PTPRM: variants seen among roughly 807,000 people sequenced by gnomAD.
PTPRM encodes the protein protein tyrosine phosphatase receptor type M.
PTPRM carries 47 observed loss-of-function variants against 186.7 expected under a neutral mutation model. The ratio of observed to expected loss-of-function variants is 0.25; its 90% confidence interval spans 0.20 to 0.32. The LOEUF is 0.32. Ranked by LOEUF, PTPRM falls within the 10% of genes least tolerant of loss-of-function variation. The pLI is 1.00. For missense variants in PTPRM, 1,494 were observed against 1,865.0 expected (o/e 0.80, Z 3.66); for synonymous variants, 668 against 674.9 (o/e 0.99, Z 0.16).
At chr18:8,283,565 G>A (rs2094926208) in intron 19 of PTPRM, among the ~76,000 whole-genome samples, 1 of 152,066 alleles carries the variant, frequency 6.6e-6, no homozygotes. Context: ...TTTTAGCATG[G>A]TACTTGGAAC....
In PTPRM at chr18:7,567,921, G is replaced by C. The variant is rs778482313; in HGVS notation, c.73+30G>C. 6.5e-7 allele frequency: 1 copy of C among 1,534,170 alleles called. No individual in the cohort carries two copies. Among genetic ancestry groups the C allele is most frequent in the Non-Finnish European group, 8.7e-7 (1 of 1,150,068 alleles). On this transcript the variant is annotated intron_variant, in intron 1 of 32. Transcript: ENST00000580170. This position sits in a 1 kb window ranked among gnomAD's most constrained non-coding sequence, Gnocchi z 4.3. ...GCGGGACCGCCTCTGCCGCCCCCGA[G>C]GCGCGCGGGCCGGCGCGGGACGCCC... is the stretch of plus-strand genomic sequence containing the variant.
rs191702817 is a variant in PTPRM at position 8,318,829 on chromosome 18, A to G, written c.2920-349A>G. Among the ~76,000 whole-genome samples, 51 of 152,372 alleles carry G rather than the reference A, an allele frequency of 3.3e-4. 2 individuals are homozygous for G. The East Asian group carries it at 9.6e-3, about 29-fold the overall frequency. ...TGGCATATTGCCAATGACATCCCAA[A>G]CACAAATGAAATTCTGTTGCAAATT... On this transcript the variant is annotated intron_variant, in intron 21 of 32. Coordinates refer to ENST00000580170, the MANE Select transcript of PTPRM (RefSeq NM_001105244.2).
intron 2 of PTPRM, among the ~76,000 whole-genome samples, chr18:7,777,655 T>C (rs1408800737): frequency 2.0e-5 from 3 of 152,200 alleles, no homozygotes; most frequent in Non-Finnish European, 4.4e-5. Flanking sequence ...TACAAACATT[T>C]CACATTTTCT....
intron 11 of PTPRM, among the ~76,000 whole-genome samples, chr18:8,090,573 G>T (rs189017836): frequency 6.6e-6 from 1 of 152,144 alleles, no homozygotes; most frequent in Admixed American, 6.5e-5. Flanking sequence ...TCTTTGTATA[G>T]ATCTTTCCAA....
chr18:8,166,526 T>G (rs1490784225), intron 14 of PTPRM, among the ~76,000 whole-genome samples: 2 of 152,206 alleles, frequency 1.3e-5, no homozygotes, highest in African/African-American at 4.8e-5. Context: ...AAAAGCCAGA[T>G]TTACCTTGCA....
At chr18:8,287,898 A>G (rs1470473045) in intron 19 of PTPRM, among the ~76,000 whole-genome samples, 1 of 152,206 alleles carries the variant, frequency 6.6e-6, no homozygotes, top group Non-Finnish European at 1.5e-5. Context: ...GGGACCTGTG[A>G]CAGATTGCTC....
intron 2 of PTPRM, among the ~76,000 whole-genome samples, chr18:7,817,650 G>A (rs1466239721): frequency 2.0e-5 from 3 of 152,176 alleles, no homozygotes; most frequent in Admixed American, 1.3e-4. Context: ...ATGAAATAAG[G>A]CATTCTTGTA....
chr18:8,042,985 T>G (rs1014419450), intron 7 of PTPRM, among the ~76,000 whole-genome samples: 2 of 152,142 alleles, frequency 1.3e-5, no homozygotes, highest in Non-Finnish European at 2.9e-5. Context: ...CTACAGCTGC[T>G]TATTGTGTCT....
In PTPRM at chr18:8,380,378, A is replaced by G. The variant is rs770646364; in HGVS notation, c.3869A>G (p.Asp1290Gly). The change falls in exon 29 of 33, where the codon GAT becomes GGT. Residue 1290 changes from aspartate (D) to glycine (G), a missense_variant. Transcript: ENST00000580170. Reference sequence around the variant, plus strand: ...AAAGACTTTTGGAGACTGGTCCTGGATTATCACTGCACATCCGTAGTTATG... The same window carrying G: ...AAAGACTTTTGGAGACTGGTCCTGGGTTATCACTGCACATCCGTAGTTATG... ...TVKDFWRLVL[D>G]YHCTSVVMLN... 1 of 1,614,234 alleles carries G rather than the reference A, an allele frequency of 6.2e-7. No individual in the cohort carries two copies. Among genetic ancestry groups the G allele is most frequent in the Admixed American group, 1.7e-5 (1 of 60,022 alleles).
intron 29 of PTPRM, 37 bp from the exon 30 acceptor site, chr18:8,384,524 T>C (rs761025929): frequency 1.2e-6 from 2 of 1,611,746 alleles, no homozygotes; most frequent in Non-Finnish European, 1.7e-6. Flanking sequence ...AAATTTCCTC[T>C]TATAACTAAC....
In PTPRM at chr18:7,732,661, C is replaced by T. The variant is rs1030691192; in HGVS notation, c.74-41488C>T. Among the ~76,000 whole-genome samples, 5 of 151,958 alleles carry T rather than the reference C, an allele frequency of 3.3e-5. No homozygotes were observed. In the South Asian group the frequency reaches 1.0e-3, roughly 32 times the overall value. Reference sequence around the variant, plus strand: ...AGCTGGAACTACAGGTATGCACCCCCATGCCTGGCTAATTTTTGAAATTGT... The same window carrying T: ...AGCTGGAACTACAGGTATGCACCCCTATGCCTGGCTAATTTTTGAAATTGT... On this transcript the variant is annotated intron_variant, in intron 1 of 32. Transcript: ENST00000580170.
chr18:7,888,522 G>A (rs2048900512), intron 3 of PTPRM, 145 bp downstream of exon 3: 1 of 950,438 alleles, frequency 1.1e-6, no homozygotes, highest in Admixed American at 3.2e-5. Flanking sequence ...ATCCTATACT[G>A]TTGGTGGGAT....
intron 7 of PTPRM, among the ~76,000 whole-genome samples, chr18:8,045,694 G>A (rs1315522411): frequency 6.6e-6 from 1 of 152,182 alleles, no homozygotes; most frequent in Non-Finnish European, 1.5e-5. Context: ...GGGAGTGACT[G>A]CTAATGGATG....
intron 10 of PTPRM, 150 bp downstream of exon 10, chr18:8,086,022 AAT>A: frequency 1.4e-6 from 1 of 727,958 alleles, no homozygotes; most frequent in Non-Finnish European, 2.3e-6. Context: ...CACAGCTTTA[AAT>A]GAAGTACTAC....
intron 2 of PTPRM, chr18:7,815,378 T>C (rs1377793064): frequency 6.6e-6 from 1 of 152,262 alleles, no homozygotes; most frequent in Non-Finnish European, 1.5e-5. Flanking sequence ...GACACCTATC[T>C]GTACCATACC....
intron 11 of PTPRM, among the ~76,000 whole-genome samples, chr18:8,104,509 A>G (rs949091338): frequency 6.6e-6 from 1 of 152,190 alleles, no homozygotes; most frequent in East Asian, 1.9e-4. Context: ...CAGTAGCATG[A>G]TCATAGCTCA....
At chr18:8,155,172 A>G (rs2093094738) in intron 14 of PTPRM, 1 of 152,192 alleles carries the variant, frequency 6.6e-6, no homozygotes, top group African/African-American at 2.4e-5. Context: ...TATAAATGAA[A>G]ATACCTGTAT....
chr18:7,754,717 C>CAGTG (rs1235296748), intron 1 of PTPRM: 1 of 152,266 alleles, frequency 6.6e-6, no homozygotes, highest in Non-Finnish European at 1.5e-5. Flanking sequence ...CAGGAGTGGA[C>CAGTG]AGTGATGTTT....
At chr18:8,003,746 A>G (rs1401529241) in intron 7 of PTPRM, among the ~76,000 whole-genome samples, 2 of 152,212 alleles carry the variant, frequency 1.3e-5, no homozygotes, top group Non-Finnish European at 1.5e-5. Flanking sequence ...GTATAATTGC[A>G]TCATTAGTTC....
Sources: gnomAD v4.1 joint callset for allele counts (sites outside exome capture counted in the v4.1 genomes callset) on GRCh38, gnomAD v4.1.1 for gene constraint, Gnocchi (gnomAD v3.1) non-coding constraint, MANE v1.5 for transcripts, NCBI Gene and HGNC (gene_info 2026-07-23, HGNC 2026-07-21) for gene names.